The following KCNIP3 variants were observed in gnomAD, a reference collection of about 807,000 sequenced individuals.
The protein encoded by KCNIP3 is potassium voltage-gated channel interacting protein 3.
KCNIP3 carries 28 observed loss-of-function variants against 35.0 expected under a neutral mutation model. That is an observed-to-expected ratio of 0.80 (90% CI 0.59 to 1.10). The LOEUF is 1.10. Among genes scored for constraint, KCNIP3 ranks in the 50% least tolerant of loss-of-function variants. KCNIP3 has a pLI of 0.00. For synonymous variants in KCNIP3, 134 were observed against 133.8 expected (o/e 1.00, Z -0.01); for missense variants, 295 against 338.4 (o/e 0.87, Z 1.01).
chr2:95,375,763 G>A (rs1169713884), intron 5 of KCNIP3, among the ~76,000 whole-genome samples: 1 of 152,106 alleles, frequency 6.6e-6, no homozygotes, highest in African/African-American at 2.4e-5. Context: ...CCTGGCCTGG[G>A]CTCCTCCCCA....
intron 2 of KCNIP3, among the ~76,000 whole-genome samples, chr2:95,352,154 T>G (rs1346793373): frequency 6.6e-6 from 1 of 152,144 alleles, no homozygotes; most frequent in Non-Finnish European, 1.5e-5. Context: ...TTTCAGCTAC[T>G]TGGGAGGCTG....
Position 95,376,615 on chromosome 2 carries a change from G to T in KCNIP3, c.447+1407G>T, listed in dbSNP as rs184872870. On this transcript the variant is annotated intron_variant, in intron 5 of 8. Transcript: ENST00000295225. The surrounding 1 kb of genome is among the most constrained non-coding windows in gnomAD (Gnocchi z 4.2). Reference sequence around the variant, plus strand: ...TCTGCAGCTTCTCTGCACGTGAAACGAAGTCCTCTGGCTTCACGCAGGTAC... The same window carrying T: ...TCTGCAGCTTCTCTGCACGTGAAACTAAGTCCTCTGGCTTCACGCAGGTAC... Among the ~76,000 whole-genome samples the T allele has an allele frequency of 6.6e-6, 1 of 152,352 alleles. No individual in the cohort carries two copies. The highest frequency in any genetic ancestry group is 1.9e-4 in the East Asian group (1 of 5,186).
intron 2 of KCNIP3, among the ~76,000 whole-genome samples, chr2:95,328,356 G>C (rs533569364): frequency 6.6e-6 from 1 of 152,246 alleles, no homozygotes; most frequent in Non-Finnish European, 1.5e-5. Context: ...TGCTGCTGCT[G>C]CTCCACACAC....
intron 2 of KCNIP3, among the ~76,000 whole-genome samples, chr2:95,323,299 G>A (rs1315044372): frequency 6.6e-6 from 1 of 152,248 alleles, no homozygotes; most frequent in Non-Finnish European, 1.5e-5. Flanking sequence ...GGTGCAGGAG[G>A]TTGGGAGTTT....
chr2:95,372,082 G>A (rs976426747), intron 2 of KCNIP3, among the ~76,000 whole-genome samples: 1 of 152,174 alleles, frequency 6.6e-6, no homozygotes, highest in African/African-American at 2.4e-5. Context: ...TGGGGTTACA[G>A]GAGTGAGCCA....
rs1480803085 is a variant in KCNIP3, at chr2:95,378,883, T to TAC, written c.448-2712_448-2711insCA. On this transcript the variant is annotated intron_variant, in intron 5 of 8. Transcript: ENST00000295225. The surrounding 1 kb of genome is among the most constrained non-coding windows in gnomAD (Gnocchi z 4.0). The stretch of plus-strand genomic sequence containing the variant: ...ACATATATACACACACACACATATA[T>TAC]ATACACACACACACATATATATATA... Among the ~76,000 whole-genome samples, 97 of 145,424 alleles carry TAC rather than the reference T, an allele frequency of 6.7e-4. 1 individual carries two copies. Among genetic ancestry groups the TAC allele is most frequent in the African/African-American group, 2.1e-3 (81 of 37,938 alleles).
intron 2 of KCNIP3, among the ~76,000 whole-genome samples, chr2:95,344,019 C>T (rs1337252090): frequency 1.3e-5 from 2 of 152,176 alleles, no homozygotes; most frequent in Non-Finnish European, 2.9e-5. Context: ...CCAATCACCC[C>T]AAGGACCAGT....
At position 95,378,795 on chromosome 2, in the gene KCNIP3, CAT is replaced by C. The variant is rs199968632; in HGVS notation, c.448-2789_448-2788del. 5.6e-4 allele frequency among the ~76,000 whole-genome samples: 84 copies of C among 149,100 alleles called. No individual in the cohort carries two copies. Among genetic ancestry groups the C allele is most frequent in the South Asian group, 3.4e-3 (16 of 4,712 alleles). On this transcript the variant is annotated intron_variant, in intron 5 of 8. Coordinates refer to ENST00000295225, the MANE Select transcript of KCNIP3 (RefSeq NM_013434.5). This position sits in a 1 kb window ranked among gnomAD's most constrained non-coding sequence, Gnocchi z 4.0. Reference sequence around the variant, plus strand: ...ATATATATATACACACACACACACACATATATATATATACACACACACACACA... The same window carrying C: ...ATATATATATACACACACACACACACATATATATATACACACACACACACA...
At chr2:95,331,603 C>T (rs1055407035) in intron 2 of KCNIP3, among the ~76,000 whole-genome samples, 10 of 152,216 alleles carry the variant, frequency 6.6e-5, no homozygotes, top group African/African-American at 1.7e-4. Flanking sequence ...CTGCCTGCGC[C>T]CATCCTCAGA....
chr2:95,350,646 G>C (rs1432849999), intron 2 of KCNIP3, among the ~76,000 whole-genome samples: 1 of 152,200 alleles, frequency 6.6e-6, no homozygotes. Context: ...TGGAGGTGGG[G>C]TGTGCTCGGT....
intron 2 of KCNIP3, among the ~76,000 whole-genome samples, chr2:95,314,064 G>A (rs1325309248): frequency 2.0e-5 from 3 of 151,896 alleles, no homozygotes; most frequent in South Asian, 2.1e-4. Context: ...CTCCTCAGTC[G>A]CCGATGCATC....
chr2:95,367,758 ATT>A (rs5832800), intron 2 of KCNIP3, among the ~76,000 whole-genome samples: 25 of 131,766 alleles, frequency 1.9e-4, no homozygotes, highest in East Asian at 4.4e-4. Context: ...GTGACTTAAC[ATT>A]TTTTTTTTTT....
intron 2 of KCNIP3, among the ~76,000 whole-genome samples, chr2:95,321,446 A>AG (rs1678597124): frequency 6.6e-6 from 1 of 152,156 alleles, no homozygotes; most frequent in South Asian, 2.1e-4. Flanking sequence ...CAGTGGAAGA[A>AG]GGGGGGTCAG....
In KCNIP3 at chr2:95,355,499, C is replaced by T. The variant is rs529718764; in HGVS notation, c.182-18797C>T. ...GCCTAATGCTATCCCTCCTCCAGCC[C>T]CCCAGCCTCCAACAGGCCCTGATGT... On this transcript the variant is annotated intron_variant, in intron 2 of 8. Coordinates refer to ENST00000295225, the MANE Select transcript of KCNIP3 (RefSeq NM_013434.5). Among the ~76,000 whole-genome samples the T allele has an allele frequency of 1.2e-4, 18 of 152,188 alleles. 1 individual carries two copies. The South Asian group carries it at 3.7e-3, about 32-fold the overall frequency.
chr2:95,346,457 C>T (rs2104265261), intron 2 of KCNIP3, among the ~76,000 whole-genome samples: 1 of 150,614 alleles, frequency 6.6e-6, no homozygotes, highest in East Asian at 2.0e-4. Flanking sequence ...CGGGGCGGGG[C>T]CGGCTCCCTC....
At chr2:95,305,280 C>A (rs543631308) in intron 1 of KCNIP3, among the ~76,000 whole-genome samples, 1 of 152,298 alleles carries the variant, frequency 6.6e-6, no homozygotes, top group Admixed American at 6.5e-5. Context: ...TGCATGCTTG[C>A]GTTTTTAACA....
Position 95,374,375 on chromosome 2 carries a change from G to A in KCNIP3, c.261G>A (p.Lys87=), listed in dbSNP as rs374545956. Residue 87 remains lysine (K), a synonymous_variant, in exon 3 of 9, where the codon AAG becomes AAA. Transcript: ENST00000295225. ...TGGACCAGCTGCAGGCCCAGACCAA[G>A]TTCACCAAGAAGGAGCTGCAGTCTC... ...EGLDQLQAQT[K]FTKKELQSLY... 13 of 1,614,102 alleles carry A rather than the reference G, an allele frequency of 8.1e-6. No individual in the cohort carries two copies. The African/African-American group carries it at 1.2e-4, about 15-fold the overall frequency.
chr2:95,382,477 T>C lies in KCNIP3; in HGVS notation c.656T>C (p.Phe219Ser). Residue 219 changes from phenylalanine to serine, a missense_variant, in exon 7 of 9, where the codon TTC (phenylalanine) becomes TCC (serine). Phe to Ser is a radical substitution (Grantham distance 155, BLOSUM62 -2). Transcript: ENST00000295225. The surrounding 1 kb of genome is among the most constrained non-coding windows in gnomAD (Gnocchi z 4.5). ...DAPAEHVERF[F>S]EKMDRNQDGV... The stretch of plus-strand genomic sequence containing the variant: ...CCGGCGGAGCACGTGGAGAGGTTCT[T>C]CGAGGTGAGCGAGCGCCAGCCCTGC... The C allele has an allele frequency of 6.2e-7, 1 of 1,601,346 alleles. No individual in the cohort carries two copies. Among genetic ancestry groups the C allele is most frequent in the South Asian group, 1.1e-5 (1 of 89,518 alleles).
intron 2 of KCNIP3, among the ~76,000 whole-genome samples, chr2:95,359,197 A>G (rs1428114064): frequency 2.0e-5 from 3 of 152,216 alleles, no homozygotes; most frequent in African/African-American, 7.2e-5. Context: ...ATAAGCCCAG[A>G]GTCTCATCTA....
Sources: allele counts gnomAD v4.1 joint callset (sites outside exome capture counted in the v4.1 genomes callset), GRCh38; gene constraint gnomAD v4.1.1; non-coding constraint Gnocchi (gnomAD v3.1); transcripts MANE v1.5; gene names NCBI Gene and HGNC (gene_info 2026-07-23, HGNC 2026-07-21).